Variants in JAZF1 observed in about 807,000 individuals in gnomAD.
JAZF1 encodes JAZF zinc finger 1.
Under a neutral mutation model 26.4 loss-of-function variants are expected in JAZF1, and 8 were observed. That is an observed-to-expected ratio of 0.30 (90% CI 0.18 to 0.55). JAZF1 has a LOEUF of 0.55. Ranked by LOEUF, JAZF1 falls within the 20% of genes least tolerant of loss-of-function variation. JAZF1 has a pLI of 0.94. For synonymous variants in JAZF1, 126 were observed against 122.3 expected, an observed-to-expected ratio of 1.03 and a Z score of -0.20; for missense variants, 199 against 322.0, an observed-to-expected ratio of 0.62 and a Z score of 2.92.
intron 4 of JAZF1, 42 bp from the exon 5 acceptor site, chr7:27,833,018 A>C: frequency 6.8e-7 from 1 of 1,469,828 alleles, no homozygotes; most frequent in South Asian, 1.4e-5. Context: ...GATTCACAGG[A>C]TACCTGTCAA....
At chr7:28,056,222 A>G (rs1320224335) in intron 1 of JAZF1, among the ~76,000 whole-genome samples, 1 of 152,046 alleles carries the variant, frequency 6.6e-6, no homozygotes, top group Admixed American at 6.6e-5. Context: ...GGAGCACGCA[A>G]TAAACTAAAG....
chr7:27,911,415 C>T (rs1026116332), intron 2 of JAZF1, among the ~76,000 whole-genome samples: 4 of 152,030 alleles, frequency 2.6e-5, no homozygotes, highest in African/African-American at 9.7e-5. Context: ...GTAGTTTGCC[C>T]AAGGACCCAC....
At position 28,155,423 on chromosome 7, in the gene JAZF1, A is replaced by G. The variant is rs547672079; in HGVS notation, c.115+25040T>C. ...TGGAATAATACATCACTCTTCTGAT[A>G]GAGGCACAAGTCCATTAATTACCAA... On this transcript the variant is annotated intron_variant, in intron 1 of 4. Transcript: ENST00000283928. Among the ~76,000 whole-genome samples, 7 of 152,360 alleles carry G rather than the reference A, an allele frequency of 4.6e-5. No homozygotes were observed. In the East Asian group the frequency reaches 1.4e-3, roughly 29 times the overall value.
chr7:28,104,100 C>T (rs1447397320), intron 1 of JAZF1, among the ~76,000 whole-genome samples: 1 of 152,188 alleles, frequency 6.6e-6, no homozygotes, highest in Non-Finnish European at 1.5e-5. Flanking sequence ...GCTGTTCCCT[C>T]TACTTGGAAT....
At chr7:27,952,402 A>G (rs1390787418) in intron 2 of JAZF1, among the ~76,000 whole-genome samples, 2 of 152,238 alleles carry the variant, frequency 1.3e-5, no homozygotes, top group Admixed American at 6.5e-5. Context: ...CATCTGTGTC[A>G]CCAATGTCAA....
intron 1 of JAZF1, among the ~76,000 whole-genome samples, chr7:28,037,893 G>A (rs1562566395): frequency 6.6e-6 from 1 of 152,116 alleles, no homozygotes; most frequent in African/African-American, 2.4e-5. Flanking sequence ...CAGGTAATAT[G>A]TCTCCTCATA....
At chr7:28,112,705 G>A (rs1431563015) in intron 1 of JAZF1, among the ~76,000 whole-genome samples, 1 of 152,168 alleles carries the variant, frequency 6.6e-6, no homozygotes, top group African/African-American at 2.4e-5. Context: ...AAGAATGAAT[G>A]GTGGGCCCGC....
chr7:27,907,533 T>A (rs1756098094), intron 2 of JAZF1, among the ~76,000 whole-genome samples: 1 of 152,226 alleles, frequency 6.6e-6, no homozygotes, highest in South Asian at 2.1e-4. Flanking sequence ...AGAAAAGTGC[T>A]TCTCTGATGT....
At chr7:28,092,975 A>G (rs774272402) in intron 1 of JAZF1, among the ~76,000 whole-genome samples, 1 of 152,206 alleles carries the variant, frequency 6.6e-6, no homozygotes, top group Non-Finnish European at 1.5e-5. Flanking sequence ...TTCCTAAAAC[A>G]TATCCCTGAA....
intron 1 of JAZF1, among the ~76,000 whole-genome samples, chr7:28,095,633 T>C (rs1784371770): frequency 6.6e-6 from 1 of 152,246 alleles, no homozygotes; most frequent in African/African-American, 2.4e-5. Flanking sequence ...AGGAGTTCTC[T>C]GGCTTTCTGC....
At chr7:27,921,806 A>G (rs1028256303) in intron 2 of JAZF1, among the ~76,000 whole-genome samples, 1 of 152,184 alleles carries the variant, frequency 6.6e-6, no homozygotes, top group African/African-American at 2.4e-5. Flanking sequence ...CCGAGGTGGT[A>G]GGACTGCTCG....
intron 1 of JAZF1, among the ~76,000 whole-genome samples, chr7:28,109,297 T>C (rs1187013398): frequency 6.6e-6 from 1 of 152,204 alleles, no homozygotes; most frequent in African/African-American, 2.4e-5. Flanking sequence ...AATGTCGACA[T>C]ATATCAAAAC....
At chr7:27,957,752 C>T (rs7801863) in intron 2 of JAZF1, among the ~76,000 whole-genome samples, 5 of 152,132 alleles carry the variant, frequency 3.3e-5, no homozygotes, top group East Asian at 1.9e-4. Flanking sequence ...CTTAATAGAA[C>T]AGAGTGCACA....
intron 3 of JAZF1, among the ~76,000 whole-genome samples, chr7:27,870,578 G>T (rs2128337848): frequency 6.6e-6 from 1 of 152,264 alleles, no homozygotes; most frequent in East Asian, 1.9e-4. Flanking sequence ...CAGATTTCCT[G>T]TGCCAACCTC....
chr7:27,895,393 C>T lies in JAZF1; in HGVS notation c.212G>A (p.Arg71Gln), dbSNP rs776208296. ...INRFMTDAAR[R>Q]EQESLKKKIQ... ...CTTCTTCTTTAGGGACTCCTGCTCT[C>T]GGCGGGCAGCATCTGTCATGAATCT... is the stretch of plus-strand genomic sequence containing the variant. The change falls in exon 3 of 5, where the codon CGA becomes CAA. Residue 71 changes from arginine to glutamine, a missense_variant. Physicochemically the swap from Arg to Gln is conservative, Grantham distance 43 (BLOSUM62 1). Transcript: ENST00000283928. The T allele has an allele frequency of 1.2e-5, 20 of 1,602,010 alleles. No individual in the cohort carries two copies. The Admixed American group carries it at 1.4e-4, about 11-fold the overall frequency.
At chr7:27,850,126 A>C (rs1783116519) in intron 3 of JAZF1, among the ~76,000 whole-genome samples, 2 of 152,224 alleles carry the variant, frequency 1.3e-5, no homozygotes, top group South Asian at 4.1e-4. Context: ...CAGCAAATTA[A>C]AACTTTCCTG....
intron 1 of JAZF1, among the ~76,000 whole-genome samples, chr7:28,127,027 ACACT>A (rs1284460112): frequency 6.6e-6 from 1 of 152,236 alleles, no homozygotes; most frequent in East Asian, 1.9e-4. Context: ...TTTGTTCCAG[ACACT>A]CAATCAAGGC....
chr7:27,986,521 G>T (rs1344268087), intron 2 of JAZF1, among the ~76,000 whole-genome samples: 1 of 152,172 alleles, frequency 6.6e-6, no homozygotes, highest in African/African-American at 2.4e-5. Context: ...TCAATATTGT[G>T]AAAATGGCCA....
chr7:28,129,107 C>T (rs1413109400), intron 1 of JAZF1, among the ~76,000 whole-genome samples: 1 of 136,674 alleles, frequency 7.3e-6, no homozygotes, highest in Non-Finnish European at 1.5e-5. Context: ...AGCAGGAGCT[C>T]CCTAGCATTG....
Sources: allele counts gnomAD v4.1 joint callset (sites outside exome capture counted in the v4.1 genomes callset), GRCh38; gene constraint gnomAD v4.1.1; transcripts MANE v1.5; gene names NCBI Gene and HGNC (gene_info 2026-07-23, HGNC 2026-07-21).